The following CSMD1 variants were observed in gnomAD, a reference collection of about 807,000 sequenced individuals.
CSMD1 encodes the protein CUB and Sushi multiple domains 1, also known as CUB and sushi domain-containing protein 1.
Under a neutral mutation model 417.5 loss-of-function variants are expected in CSMD1, and 213 were observed. The ratio of observed to expected loss-of-function variants is 0.51; its 90% CI spans 0.46 to 0.57. The LOEUF (loss-of-function observed/expected upper bound fraction) is 0.57, where lower values mean the gene tolerates loss of function less well. Among genes scored for constraint, CSMD1 ranks in the 20% least tolerant of loss-of-function variants. The pLI is 0.00. For synonymous variants in CSMD1, 2,862 were observed against 1,736.8 expected, an observed-to-expected ratio of 1.65 and a Z score of -16.11; for missense variants, 6,923 against 4,529.7, an observed-to-expected ratio of 1.53 and a Z score of -15.17.
chr8:4,502,997 C>A (rs893554758), intron 2 of CSMD1, among the ~76,000 whole-genome samples: 1 of 151,714 alleles, frequency 6.6e-6, no homozygotes, highest in Non-Finnish European at 1.5e-5. Flanking sequence ...TTTTCTGGCA[C>A]AGGAAATAAA....
chr8:4,735,161 G>A (rs764181656), intron 1 of CSMD1, among the ~76,000 whole-genome samples: 1 of 152,138 alleles, frequency 6.6e-6, no homozygotes, highest in Non-Finnish European at 1.5e-5. Context: ...ATGAGGTAAT[G>A]CTCCCTCACC....
chr8:4,070,848 T>G (rs577839011), intron 3 of CSMD1, among the ~76,000 whole-genome samples: 1 of 152,242 alleles, frequency 6.6e-6, no homozygotes, highest in Non-Finnish European at 1.5e-5. Context: ...TCACGTGATA[T>G]AAATGTCTAG....
intron 2 of CSMD1, among the ~76,000 whole-genome samples, chr8:4,437,249 T>C (rs778317420): frequency 2.0e-5 from 3 of 152,314 alleles, no homozygotes; most frequent in Non-Finnish European, 4.4e-5. Context: ...GTTCTGAAAT[T>C]AGGCAGTAGA....
At chr8:3,791,384 T>C (rs551644568) in intron 5 of CSMD1, among the ~76,000 whole-genome samples, 1 of 152,364 alleles carries the variant, frequency 6.6e-6, no homozygotes, top group South Asian at 2.1e-4. Flanking sequence ...AGAAAATCTT[T>C]CAAAGCTCTT....
At chr8:4,951,375 G>C (rs1214675481) in intron 1 of CSMD1, among the ~76,000 whole-genome samples, 1 of 151,384 alleles carries the variant, frequency 6.6e-6, no homozygotes, top group African/African-American at 2.4e-5. Flanking sequence ...AATTATTCTA[G>C]CCAGTCAGGA....
intron 3 of CSMD1, among the ~76,000 whole-genome samples, chr8:4,381,311 T>C (rs893100827): frequency 1.3e-5 from 2 of 152,056 alleles, no homozygotes; most frequent in Non-Finnish European, 2.9e-5. Context: ...GGGTGGGGAA[T>C]TGCACTGGCT....
intron 5 of CSMD1, among the ~76,000 whole-genome samples, chr8:3,787,226 AAAAC>A (rs1445001125): frequency 6.6e-6 from 1 of 152,184 alleles, no homozygotes; most frequent in Non-Finnish European, 1.5e-5. Context: ...AGGAAAATGA[AAAAC>A]AACAACAAAA....
At chr8:4,142,438 G>C (rs76839654) in intron 3 of CSMD1, among the ~76,000 whole-genome samples, 3,206 of 151,110 alleles carry the variant, frequency 0.021, 318 homozygotes, top group African/African-American at 0.075. Flanking sequence ...AACAGAACTA[G>C]TTTCCCTCTA....
chr8:4,611,567 T>G (rs1207847142), intron 2 of CSMD1, among the ~76,000 whole-genome samples: 1 of 152,170 alleles, frequency 6.6e-6, no homozygotes, highest in African/African-American at 2.4e-5. Flanking sequence ...TTCCCAGAAG[T>G]GTTTACACTT....
rs537079697 is a variant in CSMD1, at chr8:4,138,835, T to C, written c.416-106736A>G. On this transcript the variant is annotated intron_variant, in intron 3 of 69. Coordinates refer to ENST00000635120, the MANE Select transcript of CSMD1 (RefSeq NM_033225.6). ...TTTTTTGCCCCTGAGGCAAATTCTA[T>C]AGAGAATAAAGTTAATATATTGTGA... 1.1e-4 allele frequency among the ~76,000 whole-genome samples: 16 copies of C among 152,278 alleles called. 1 individual carries two copies. The highest frequency in any genetic ancestry group is 3.1e-4 in the African/African-American group (13 of 41,572).
At chr8:4,353,134 T>C (rs964632352) in intron 3 of CSMD1, among the ~76,000 whole-genome samples, 4 of 152,186 alleles carry the variant, frequency 2.6e-5, no homozygotes, top group Non-Finnish European at 5.9e-5. Context: ...TCTGATATGG[T>C]TTGGCTGTGT....
chr8:4,106,269 G>A (rs748301323), intron 3 of CSMD1, among the ~76,000 whole-genome samples: 2 of 152,202 alleles, frequency 1.3e-5, no homozygotes, highest in African/African-American at 2.4e-5. Flanking sequence ...AAGTATTAAT[G>A]TATGTGTTTC....
At chr8:3,544,273 G>T (rs150241255) in intron 10 of CSMD1, among the ~76,000 whole-genome samples, 5 of 152,234 alleles carry the variant, frequency 3.3e-5, no homozygotes, top group Non-Finnish European at 7.4e-5. Context: ...AAAAAAGAGC[G>T]TTCTTAATTT....
At chr8:3,036,626 G>C (rs1057196516) in intron 50 of CSMD1, among the ~76,000 whole-genome samples, 5 of 152,114 alleles carry the variant, frequency 3.3e-5, no homozygotes, top group Non-Finnish European at 5.9e-5. Flanking sequence ...ACTGGTGTTA[G>C]TTCTAGTACC....
chr8:4,079,117 C>A (rs768484300), intron 3 of CSMD1, among the ~76,000 whole-genome samples: 2 of 151,536 alleles, frequency 1.3e-5, no homozygotes, highest in Non-Finnish European at 2.9e-5. Flanking sequence ...GTGTTTGAGA[C>A]AATTTTTATT....
intron 3 of CSMD1, among the ~76,000 whole-genome samples, chr8:4,335,497 A>G (rs1030642554): frequency 2.0e-5 from 3 of 152,156 alleles, no homozygotes; most frequent in Admixed American, 6.6e-5. Context: ...AATGTCCTGA[A>G]CAAACGAAGT....
intron 26 of CSMD1, among the ~76,000 whole-genome samples, chr8:3,267,411 A>G (rs1801515127): frequency 6.6e-6 from 1 of 152,210 alleles, no homozygotes; most frequent in Non-Finnish European, 1.5e-5. Flanking sequence ...CTTCGCTGCA[A>G]CAATAGATGA....
chr8:3,157,416 G>A (rs1288170271), intron 39 of CSMD1, among the ~76,000 whole-genome samples: 1 of 152,110 alleles, frequency 6.6e-6, no homozygotes, highest in African/African-American at 2.4e-5. Flanking sequence ...GGCTGATTGT[G>A]CCCCCAGGAG....
intron 12 of CSMD1, among the ~76,000 whole-genome samples, chr8:3,442,454 C>G (rs1815046134): frequency 6.6e-6 from 1 of 152,094 alleles, no homozygotes. Context: ...ATCTCTTATA[C>G]AGTGTTTTTA....
Sources: allele counts gnomAD v4.1 joint callset (sites outside exome capture counted in the v4.1 genomes callset), GRCh38; gene constraint gnomAD v4.1.1; transcripts MANE v1.5; gene names NCBI Gene and HGNC (gene_info 2026-07-23, HGNC 2026-07-21).